Variants in PPP1R7 observed in about 807,000 individuals in gnomAD.
PPP1R7 encodes protein phosphatase 1 regulatory subunit 7.
Under a neutral mutation model 45.2 loss-of-function variants are expected in PPP1R7, and 18 were observed. That is an observed-to-expected ratio of 0.40 (90% CI 0.28 to 0.59). PPP1R7 has a LOEUF of 0.59. Among genes scored for constraint, PPP1R7 ranks in the 20% least tolerant of loss-of-function variants. PPP1R7 has a pLI of 0.46. For synonymous variants in PPP1R7, 181 were observed against 183.4 expected (o/e 0.99, Z 0.11); for missense variants, 314 against 455.8 (o/e 0.69, Z 2.83).
At chr2:241,154,755 TAAAG>T (rs2067413096) in intron 2 of PPP1R7, among the ~76,000 whole-genome samples, 1 of 152,142 alleles carries the variant, frequency 6.6e-6, no homozygotes, top group African/African-American at 2.4e-5. Flanking sequence ...TTTTACCTGC[TAAAG>T]AAAGAAAACA....
rs2067782923 is a variant in PPP1R7, at chr2:241,169,770, CCTT to C, written c.820-7_820-5del. On this transcript the variant is annotated splice_region_variant and splice_polypyrimidine_tract_variant and intron_variant, in intron 8 of 9. Transcript: ENST00000234038. ...AGGTAATCCAGGAAACATTTTATTTCCTTCTTTTAGAACAAACTCACGATGTTG... is the reference window on the plus strand; with the variant it reads ...AGGTAATCCAGGAAACATTTTATTTCCTTTTAGAACAAACTCACGATGTTG... The C allele has an allele frequency of 6.3e-7, 1 of 1,595,164 alleles. No individual in the cohort carries two copies. The highest frequency in any genetic ancestry group is 8.6e-7 in the Non-Finnish European group (1 of 1,162,854).
chr2:241,160,543 G>A (rs765559314), intron 6 of PPP1R7, 49 bp downstream of exon 6: 11 of 1,495,536 alleles, frequency 7.4e-6, no homozygotes, highest in South Asian at 2.7e-5. Flanking sequence ...GGCAGCTAGC[G>A]GGCTGTGTGT....
chr2:241,160,572 T>C, intron 6 of PPP1R7, 78 bp downstream of exon 6: 1 of 1,251,208 alleles, frequency 8.0e-7, no homozygotes, highest in Non-Finnish European at 1.1e-6. Context: ...TGGGTGTATG[T>C]AGAATGCATG....
intron 9 of PPP1R7, among the ~76,000 whole-genome samples, chr2:241,173,269 CAAAAA>C (rs540011262): frequency 2.5e-4 from 23 of 90,680 alleles, no homozygotes; most frequent in East Asian, 5.3e-4. Flanking sequence ...AAGACTTTCT[CAAAAA>C]AAAAAAAAAA....
At chr2:241,177,530 C>T (rs2067928549) in intron 9 of PPP1R7, among the ~76,000 whole-genome samples, 1 of 152,158 alleles carries the variant, frequency 6.6e-6, no homozygotes, top group Non-Finnish European at 1.5e-5. Flanking sequence ...ATGAAAGAGT[C>T]CATTGGTCGC....
At chr2:241,165,352 G>A (rs2067681614) in intron 7 of PPP1R7, among the ~76,000 whole-genome samples, 1 of 150,298 alleles carries the variant, frequency 6.7e-6, no homozygotes, top group Non-Finnish European at 1.5e-5. Context: ...ATTTTTAGTG[G>A]AGACAGGTTT....
chr2:241,173,467 C>G (rs2067854034), intron 9 of PPP1R7, among the ~76,000 whole-genome samples: 1 of 152,018 alleles, frequency 6.6e-6, no homozygotes, highest in African/African-American at 2.4e-5. Context: ...TTTCCTCTGG[C>G]TGCTTTTTAA....
At chr2:241,167,552 A>G (rs974896478) in intron 8 of PPP1R7, among the ~76,000 whole-genome samples, 6 of 152,166 alleles carry the variant, frequency 3.9e-5, no homozygotes, top group Non-Finnish European at 8.8e-5. Flanking sequence ...GCCCTCCTGC[A>G]CCCTGGCCTC....
At position 241,182,963 on chromosome 2, in the gene PPP1R7, G is replaced by GGCGC; in HGVS notation, c.*146_*149dup. The GGCGC allele has an allele frequency of 1.0e-6, 1 of 953,502 alleles. No individual in the cohort carries two copies. The highest frequency in any genetic ancestry group is 2.7e-5 in the East Asian group (1 of 37,648). The allele number at this position is 953,502 out of a possible 1,614,324, so 59.1% of individuals were successfully genotyped here. ...GGCAATAAAGGCACTGACGATAGCT[G>GGCGC]GCGCGCGCGACGTCACACACCATTT... is the stretch of plus-strand genomic sequence containing the variant. On this transcript the variant is annotated 3_prime_UTR_variant, in exon 10 of 10. Coordinates refer to ENST00000234038, the MANE Select transcript of PPP1R7 (RefSeq NM_002712.3).
intron 9 of PPP1R7, among the ~76,000 whole-genome samples, chr2:241,178,148 C>T (rs114128492): frequency 0.018 from 2,714 of 152,302 alleles, 88 homozygotes; most frequent in African/African-American, 0.061. Context: ...AGGGGCTGCT[C>T]GAGGAGAGGC....
intron 9 of PPP1R7, among the ~76,000 whole-genome samples, chr2:241,175,770 T>C (rs1233179308): frequency 6.6e-6 from 1 of 151,906 alleles, no homozygotes; most frequent in Non-Finnish European, 1.5e-5. Context: ...CATTTGTGGG[T>C]TTTTTGTTTT....
In PPP1R7 at chr2:241,151,131, A is replaced by G. The variant is rs559006684; in HGVS notation, c.52+584A>G. On this transcript the variant is annotated intron_variant, in intron 1 of 9. Transcript: ENST00000234038. ...TTTGTTGGAAAAAAAAACCACATGC[A>G]TATATGTATATGTTATACGTACACA... 3.9e-5 allele frequency among the ~76,000 whole-genome samples: 6 copies of G among 152,368 alleles called. No homozygotes were observed. The East Asian group carries it at 9.6e-4, about 24-fold the overall frequency.
chr2:241,158,639 C>T (rs2067515157), intron 4 of PPP1R7, 90 bp downstream of exon 4: 1 of 1,335,298 alleles, frequency 7.5e-7, no homozygotes, highest in Non-Finnish European at 1.1e-6. Context: ...AGTTGTGGTC[C>T]TTGTCCCAGC....
At position 241,183,060 on chromosome 2, in the gene PPP1R7, G is replaced by A; in HGVS notation, c.*237G>A. The A allele has an allele frequency of 3.5e-6, 2 of 568,766 alleles. No homozygotes were observed. The highest frequency in any genetic ancestry group is 3.1e-6 in the Non-Finnish European group (1 of 318,446). 35.2% of individuals were successfully genotyped at this position (568,766 alleles called of 1,614,324 possible). A position where few individuals can be genotyped will look rare whatever the true frequency, so the allele number is the denominator to read the frequency against. On this transcript the variant is annotated 3_prime_UTR_variant, in exon 10 of 10. Coordinates refer to ENST00000234038, the MANE Select transcript of PPP1R7 (RefSeq NM_002712.3). ...ATTGTTGACAGTTATTGTAGCCACA[G>A]AGAGAACATAAGACACGTTGCGTTC...
rs116811155 is a variant in PPP1R7 at position 241,176,419 on chromosome 2, A to G, written c.907-6228A>G. ...AGCAAGAAGTAACAGTTGCTTGTAA[A>G]TACATAAAGCATTTCCTATCTCATT... On this transcript the variant is annotated intron_variant, in intron 9 of 9. Transcript: ENST00000234038. Among the ~76,000 whole-genome samples, 681 of 152,256 alleles carry G rather than the reference A, an allele frequency of 4.5e-3. 6 individuals carry two copies. Among genetic ancestry groups the G allele is most frequent in the African/African-American group, 0.015 (628 of 41,554 alleles).
chr2:241,154,170 A>G (rs1415220262), intron 2 of PPP1R7, among the ~76,000 whole-genome samples: 1 of 120,628 alleles, frequency 8.3e-6, no homozygotes, highest in African/African-American at 3.6e-5. Flanking sequence ...ACAGAGGGAT[A>G]CTCCTTCTCA....
At position 241,150,519 on chromosome 2, in the gene PPP1R7, G is replaced by A. The variant is rs2067239040; in HGVS notation, c.24G>A (p.Gly8=). 6.3e-7 allele frequency: 1 copy of A among 1,599,170 alleles called. No homozygotes were observed. The highest frequency in any genetic ancestry group is 8.5e-7 in the Non-Finnish European group (1 of 1,174,148). MAAERGA[G]QQQSQEMMEV... ...ACATGGCGGCGGAACGCGGCGCGGGGCAGCAACAGTCGCAGGAGATGATGG... is the reference window on the plus strand; with the variant it reads ...ACATGGCGGCGGAACGCGGCGCGGGACAGCAACAGTCGCAGGAGATGATGG... The change falls in exon 1 of 10, where the codon GGG becomes GGA. Residue 8 remains glycine, a synonymous_variant. Coordinates refer to ENST00000234038, the MANE Select transcript of PPP1R7 (RefSeq NM_002712.3).
At chr2:241,149,621 G>A, upstream of PPP1R7, 2 of 1,535,700 alleles carry the variant, frequency 1.3e-6, no homozygotes, top group South Asian at 1.2e-5. Context: ...ACACCCCTAC[G>A]GCGCTTCGGA....
chr2:241,156,206 G>A (rs995772228), intron 2 of PPP1R7, among the ~76,000 whole-genome samples: 3 of 152,226 alleles, frequency 2.0e-5, no homozygotes, highest in African/African-American at 7.2e-5. Context: ...TCTAGGAAGA[G>A]CCACAGTAAC....
Sources: allele counts gnomAD v4.1 joint callset (sites outside exome capture counted in the v4.1 genomes callset), GRCh38; gene constraint gnomAD v4.1.1; transcripts MANE v1.5; gene names NCBI Gene and HGNC (gene_info 2026-07-23, HGNC 2026-07-21).